The following CNTNAP5 variants were observed in gnomAD, a reference collection of about 807,000 sequenced individuals.
The protein encoded by CNTNAP5 is contactin-associated protein-like 5.
Under a neutral mutation model 150.2 loss-of-function variants are expected in CNTNAP5, and 72 were observed. The observed-to-expected ratio is 0.48, with a 90% CI of 0.40 to 0.58. The LOEUF is 0.58. Ranked by LOEUF, CNTNAP5 falls within the 20% of genes least tolerant of loss-of-function variation. The pLI is 0.00. For missense variants in CNTNAP5, 1,636 were observed against 1,626.2 expected, an observed-to-expected ratio of 1.01 and a Z score of -0.10; for synonymous variants, 672 against 619.8, an observed-to-expected ratio of 1.08 and a Z score of -1.25.
At chr2:124,473,241 A>C (rs1047236470) in intron 6 of CNTNAP5, among the ~76,000 whole-genome samples, 1 of 150,766 alleles carries the variant, frequency 6.6e-6, no homozygotes, top group Admixed American at 6.7e-5. Context: ...TGAAAATAGA[A>C]AACAACGGTG....
At chr2:124,510,477 G>GTATATATATATATATATATATATATATA (rs70996072) in intron 8 of CNTNAP5, among the ~76,000 whole-genome samples, 1 of 102,600 alleles carries the variant, frequency 9.7e-6, no homozygotes, top group Non-Finnish European at 1.9e-5. Context: ...TTATGTATGT[G>GTATATATATATATATATATATATATATA]TATATATATA....
intron 3 of CNTNAP5, among the ~76,000 whole-genome samples, chr2:124,392,119 C>T (rs1691130721): frequency 2.0e-5 from 3 of 152,044 alleles, no homozygotes; most frequent in Non-Finnish European, 1.5e-5. Flanking sequence ...GTTCTGTGCC[C>T]AGAAAATTTA....
intron 19 of CNTNAP5, among the ~76,000 whole-genome samples, chr2:124,863,871 C>T (rs1302399173): frequency 1.3e-5 from 2 of 152,198 alleles, no homozygotes; most frequent in Non-Finnish European, 2.9e-5. Context: ...TAGTTGTTCT[C>T]AGCTCAAATT....
intron 1 of CNTNAP5, among the ~76,000 whole-genome samples, chr2:124,145,983 G>A (rs1022183461): frequency 6.6e-6 from 1 of 151,926 alleles, no homozygotes; most frequent in African/African-American, 2.4e-5. Context: ...ATAGCACTTG[G>A]CATTTGTACA....
At chr2:124,521,846 A>G (rs902324091) in intron 8 of CNTNAP5, among the ~76,000 whole-genome samples, 1 of 152,182 alleles carries the variant, frequency 6.6e-6, no homozygotes, top group East Asian at 1.9e-4. Flanking sequence ...AATGTTCACC[A>G]AGACACACCT....
At position 124,709,570 on chromosome 2, in the gene CNTNAP5, TAGTC is replaced by T. The variant is rs567661506; in HGVS notation, c.2078-37652_2078-37649del. Reference sequence around the variant, plus strand: ...AATGCTTGAGGAACAGAGATTTGTGTAGTCAGTCAGGACAGCAATCTGCTCAGAG... The same window carrying T: ...AATGCTTGAGGAACAGAGATTTGTGTAGTCAGGACAGCAATCTGCTCAGAG... On this transcript the variant is annotated intron_variant, in intron 13 of 23. Coordinates refer to ENST00000682447, the MANE Select transcript of CNTNAP5 (RefSeq NM_001367498.1). 4.8e-3 allele frequency among the ~76,000 whole-genome samples: 727 copies of T among 152,260 alleles called. 2 individuals are homozygous for T. Among genetic ancestry groups the T allele is most frequent in the Admixed American group, 9.4e-3 (143 of 15,276 alleles).
intron 11 of CNTNAP5, among the ~76,000 whole-genome samples, chr2:124,580,639 A>G (rs900873739): frequency 3.3e-5 from 5 of 152,166 alleles, no homozygotes; most frequent in African/African-American, 9.7e-5. Context: ...AGCCTCCACA[A>G]TGCATAACAG....
chr2:124,318,868 C>A (rs1226035928), intron 3 of CNTNAP5, among the ~76,000 whole-genome samples: 1 of 152,172 alleles, frequency 6.6e-6, no homozygotes, highest in African/African-American at 2.4e-5. Context: ...CCCACACCAT[C>A]ATTACAGCAC....
chr2:124,278,335 G>A (rs1036940973), intron 3 of CNTNAP5, among the ~76,000 whole-genome samples: 5 of 152,052 alleles, frequency 3.3e-5, no homozygotes, highest in South Asian at 2.1e-4. Context: ...GTGATAATTC[G>A]ATTAAAAAGT....
chr2:124,360,185 G>C (rs1455444554), intron 3 of CNTNAP5, among the ~76,000 whole-genome samples: 1 of 149,304 alleles, frequency 6.7e-6, no homozygotes, highest in African/African-American at 2.5e-5. Context: ...CTTTTATTTT[G>C]AGCCTATGTG....
At chr2:124,883,538 T>C (rs1413890292) in intron 21 of CNTNAP5, among the ~76,000 whole-genome samples, 2 of 152,120 alleles carry the variant, frequency 1.3e-5, no homozygotes, top group African/African-American at 4.8e-5. Flanking sequence ...TAATATGGAA[T>C]TTCCAGTTTA....
chr2:124,518,705 G>A (rs757286255), intron 8 of CNTNAP5, among the ~76,000 whole-genome samples: 1 of 152,054 alleles, frequency 6.6e-6, no homozygotes, highest in Non-Finnish European at 1.5e-5. Flanking sequence ...ATACTTAATT[G>A]ACCAGGTGTG....
chr2:124,092,370 T>A (rs1682835459), intron 1 of CNTNAP5, among the ~76,000 whole-genome samples: 1 of 152,222 alleles, frequency 6.6e-6, no homozygotes, highest in African/African-American at 2.4e-5. Flanking sequence ...ATCATCCCCA[T>A]TACTGTTGTT....
chr2:124,655,493 C>A (rs1573526381), intron 13 of CNTNAP5, among the ~76,000 whole-genome samples: 1 of 151,532 alleles, frequency 6.6e-6, no homozygotes, highest in Middle Eastern at 3.4e-3. Context: ...GATTTATAAT[C>A]CTTTGGGTTA....
intron 1 of CNTNAP5, among the ~76,000 whole-genome samples, chr2:124,136,368 T>C (rs1683972040): frequency 6.6e-6 from 1 of 152,200 alleles, no homozygotes; most frequent in Non-Finnish European, 1.5e-5. Flanking sequence ...AAGGGGGTTA[T>C]GCTCCAATTG....
chr2:124,449,757 C>A (rs1047888360), intron 6 of CNTNAP5, among the ~76,000 whole-genome samples: 5 of 152,182 alleles, frequency 3.3e-5, no homozygotes, highest in Admixed American at 2.6e-4. Context: ...GTTCAGCCAG[C>A]TTGCTCCAAT....
At chr2:124,827,630 T>A (rs957383464) in intron 19 of CNTNAP5, among the ~76,000 whole-genome samples, 1 of 152,166 alleles carries the variant, frequency 6.6e-6, no homozygotes, top group African/African-American at 2.4e-5. Flanking sequence ...ACGAACATAG[T>A]CCACTTACAT....
chr2:124,496,174 C>A (rs569352716), intron 7 of CNTNAP5, among the ~76,000 whole-genome samples: 7 of 152,178 alleles, frequency 4.6e-5, no homozygotes, highest in Admixed American at 1.3e-4. Context: ...AATGAAGGAG[C>A]CTGTCTTTCC....
At chr2:124,700,456 A>G (rs1200296243) in intron 13 of CNTNAP5, among the ~76,000 whole-genome samples, 3 of 152,112 alleles carry the variant, frequency 2.0e-5, no homozygotes, top group African/African-American at 7.2e-5. Flanking sequence ...TAGAAGCTGC[A>G]CCATTTTACA....
Sources: allele counts gnomAD v4.1 joint callset (sites outside exome capture counted in the v4.1 genomes callset), GRCh38; gene constraint gnomAD v4.1.1; transcripts MANE v1.5; gene names NCBI Gene and HGNC (gene_info 2026-07-23, HGNC 2026-07-21).